CERK: variants seen among roughly 807,000 people sequenced by gnomAD.
CERK encodes acylsphingosine kinase.
A neutral mutation model predicts 63.4 loss-of-function variants in CERK; 39 were observed. The ratio of observed to expected loss-of-function variants is 0.61; its 90% CI spans 0.48 to 0.80. CERK has a LOEUF of 0.80. Ranked by LOEUF, CERK falls within the 30% of genes least tolerant of loss-of-function variation. CERK has a pLI of 0.00. For synonymous variants in CERK, 302 were observed against 280.0 expected (o/e 1.08, Z -0.78); for missense variants, 670 against 714.1 (o/e 0.94, Z 0.70).
At chr22:46,703,716 C>A (rs2146558521) in intron 6 of CERK, among the ~76,000 whole-genome samples, 1 of 152,322 alleles carries the variant, frequency 6.6e-6, no homozygotes, top group East Asian at 1.9e-4. Context: ...CTCACCGGGG[C>A]CCACATGCTC....
chr22:46,727,635 T>C (rs2146590930), intron 1 of CERK, among the ~76,000 whole-genome samples: 1 of 152,222 alleles, frequency 6.6e-6, no homozygotes, highest in East Asian at 1.9e-4. Flanking sequence ...ACAGTGTCCA[T>C]TCCCTGTGGA....
intron 3 of CERK, among the ~76,000 whole-genome samples, chr22:46,717,018 T>C (rs534758321): frequency 1.3e-5 from 2 of 152,042 alleles, no homozygotes; most frequent in Admixed American, 1.3e-4. Context: ...GACAAAAGAC[T>C]TGAACAGAAC....
At chr22:46,733,105 G>A (rs1023019474) in intron 1 of CERK, among the ~76,000 whole-genome samples, 1 of 149,760 alleles carries the variant, frequency 6.7e-6, no homozygotes, top group Non-Finnish European at 1.5e-5. Context: ...CTACTCGGGA[G>A]GCTGAGGCAG....
intron 1 of CERK, 62 bp downstream of exon 1, chr22:46,737,944 TC>T: frequency 1.9e-6 from 2 of 1,076,960 alleles, no homozygotes; most frequent in Non-Finnish European, 2.3e-6. Context: ...CCCAGCCGGG[TC>T]CCCCAAGCCG....
chr22:46,686,445 A>T lies in CERK; in HGVS notation c.*689T>A, dbSNP rs902164368. 6.6e-6 allele frequency: 1 copy of T among 152,434 alleles called. No individual in the cohort carries two copies. The highest frequency in any genetic ancestry group is 1.5e-5 in the Non-Finnish European group (1 of 68,200). The allele number at this position is 152,434 out of a possible 1,614,324, so 9.4% of individuals were successfully genotyped here. On this transcript the variant is annotated 3_prime_UTR_variant, in exon 13 of 13. Coordinates refer to ENST00000216264, the MANE Select transcript of CERK (RefSeq NM_022766.6). ...ACACTGCCAGCTTCCAGAGCTTATC[A>T]TCCGTGCTCCCAGAACAGACGCCAA...
chr22:46,699,227 G>A (rs950071642), intron 8 of CERK, 86 bp downstream of exon 8: 71 of 1,389,936 alleles, frequency 5.1e-5, no homozygotes, highest in Non-Finnish European at 6.8e-5. Context: ...ACCTCTGACG[G>A]TGCTCAGTGG....
chr22:46,704,890 G>A (rs1468164168), intron 6 of CERK, among the ~76,000 whole-genome samples: 1 of 151,380 alleles, frequency 6.6e-6, no homozygotes, highest in African/African-American at 2.4e-5. Flanking sequence ...GACTAAGCAA[G>A]GGAAAGGAAG....
intron 3 of CERK, among the ~76,000 whole-genome samples, chr22:46,716,356 A>G (rs1311488537): frequency 6.6e-6 from 1 of 151,570 alleles, no homozygotes; most frequent in Non-Finnish European, 1.5e-5. Flanking sequence ...ATGCTTGGCT[A>G]AGTTTTGTAT....
intron 8 of CERK, 61 bp from the exon 9 acceptor site, chr22:46,695,376 T>C: frequency 9.9e-7 from 1 of 1,009,104 alleles, no homozygotes; most frequent in East Asian, 2.4e-5. Flanking sequence ...GTTAGGATGC[T>C]GTGCTGGGCA....
intron 7 of CERK, among the ~76,000 whole-genome samples, chr22:46,701,298 G>A (rs994018460): frequency 2.0e-5 from 3 of 152,262 alleles, no homozygotes; most frequent in Non-Finnish European, 4.4e-5. Flanking sequence ...ATGGCGGGAC[G>A]CGGGTGGTTT....
Position 46,707,976 on chromosome 22 carries a change from G to T in CERK, c.582C>A (p.Val194=). The change falls in exon 6 of 13, where the codon GTC becomes GTA. Residue 194 remains valine (V), a synonymous_variant. Transcript: ENST00000216264. ...NIDKYDGIVC[V]GGDGMFSEVL... ...CCTCGCTGAACATACCATCTCCGCC[G>T]ACACAGACGATGCTGCAGGAGGAAC... 6.2e-7 allele frequency: 1 copy of T among 1,607,986 alleles called. No individual in the cohort carries two copies. Among genetic ancestry groups the T allele is most frequent in the Non-Finnish European group, 8.5e-7 (1 of 1,176,066 alleles).
In CERK at chr22:46,687,058, T is replaced by C. The variant is rs185035716; in HGVS notation, c.*76A>G. 1.5e-3 allele frequency: 1,692 copies of C among 1,162,086 alleles called. 13 individuals carry two copies. Among genetic ancestry groups the C allele is most frequent in the Non-Finnish European group, 6.7e-4 (522 of 783,240 alleles). 72.0% of individuals were successfully genotyped at this position (1,162,086 alleles called of 1,614,324 possible). A position where few individuals can be genotyped will look rare whatever the true frequency, so the allele number is the denominator to read the frequency against. ...AAATTTCTACATTTAAATGTATATA[T>C]CAACATAATTGGTCTGTAATAATTA... On this transcript the variant is annotated 3_prime_UTR_variant, in exon 13 of 13. Coordinates refer to ENST00000216264, the MANE Select transcript of CERK (RefSeq NM_022766.6).
chr22:46,737,650 C>T (rs954970245), intron 1 of CERK, among the ~76,000 whole-genome samples: 1 of 152,208 alleles, frequency 6.6e-6, no homozygotes, highest in Non-Finnish European at 1.5e-5. Flanking sequence ...CTGGCACCCC[C>T]CCTCGGGATC....
intron 7 of CERK, 118 bp from the exon 8 acceptor site, chr22:46,699,583 A>G: frequency 1.1e-6 from 1 of 880,776 alleles, no homozygotes; most frequent in Non-Finnish European, 1.8e-6. Flanking sequence ...GTGTGAAACA[A>G]ACAGAACGCA....
intron 7 of CERK, among the ~76,000 whole-genome samples, chr22:46,701,053 G>C (rs135686): frequency 6.6e-6 from 1 of 151,928 alleles, no homozygotes; most frequent in Non-Finnish European, 1.5e-5. Flanking sequence ...AAAATATACA[G>C]TTTCTGTGAC....
rs1375089111 is a variant in CERK, at chr22:46,707,971, C to A, written c.587G>T (p.Gly196Val). ...DKYDGIVCVG[G>V]DGMFSEVLHG... Reference sequence around the variant, plus strand: ...CAGCACCTCGCTGAACATACCATCTCCGCCGACACAGACGATGCTGCAGGA... The same window carrying A: ...CAGCACCTCGCTGAACATACCATCTACGCCGACACAGACGATGCTGCAGGA... The change falls in exon 6 of 13, where the codon GGA becomes GTA. Residue 196 changes from glycine (G) to valine (V), a missense_variant. By Grantham distance (109) the Gly-to-Val change is moderately radical (BLOSUM62 -3). Transcript: ENST00000216264. The A allele has an allele frequency of 6.2e-7, 1 of 1,609,836 alleles. No individual in the cohort carries two copies. Among genetic ancestry groups the A allele is most frequent in the Non-Finnish European group, 8.5e-7 (1 of 1,177,360 alleles).
chr22:46,687,308 C>T (rs1601705688), intron 12 of CERK, 102 bp from the exon 13 acceptor site: 2 of 463,192 alleles, frequency 4.3e-6, no homozygotes, highest in Non-Finnish European at 7.0e-6. Flanking sequence ...CCACGTGTCC[C>T]TCACTCAAAG....
chr22:46,716,912 G>A (rs2082869229), intron 3 of CERK, among the ~76,000 whole-genome samples: 1 of 151,160 alleles, frequency 6.6e-6, no homozygotes, highest in Non-Finnish European at 1.5e-5. Context: ...TCCAGCCTGG[G>A]CAACAGAGCG....
At chr22:46,702,221 ATATGTGTGTGTGTGTGTGTG>A (rs1244260090) in intron 6 of CERK, among the ~76,000 whole-genome samples, 21 of 113,380 alleles carry the variant, frequency 1.9e-4, no homozygotes, top group African/African-American at 4.5e-4. Flanking sequence ...AAAAATATAT[ATATGTGTGTGTGTGTGTGTG>A]TGTGTGTGTG....
Sources: gnomAD v4.1 joint callset for allele counts (sites outside exome capture counted in the v4.1 genomes callset) on GRCh38, gnomAD v4.1.1 for gene constraint, MANE v1.5 for transcripts, NCBI Gene and HGNC (gene_info 2026-07-23, HGNC 2026-07-21) for gene names.